ZNF536: variants seen among roughly 807,000 people sequenced by gnomAD.
ZNF536 encodes zinc finger protein 536.
A neutral mutation model predicts 84.5 loss-of-function variants in ZNF536; 13 were observed. That is an observed-to-expected ratio of 0.15 (90% CI 0.10 to 0.24). The LOEUF is 0.24. ZNF536 is among the 10% of genes least tolerant of loss of function. The probability of loss-of-function intolerance (pLI) is 1.00; values close to 1 mark genes in which losing one functional copy is unlikely to be tolerated. For missense variants in ZNF536, 1,536 were observed against 1,747.5 expected (o/e 0.88, Z 2.16); for synonymous variants, 811 against 742.5 (o/e 1.09, Z -1.50).
intron 1 of ZNF536, among the ~76,000 whole-genome samples, chr19:30,281,897 G>T (rs558768271): frequency 6.6e-6 from 1 of 152,272 alleles, no homozygotes; most frequent in South Asian, 2.1e-4. Flanking sequence ...TCAGGTTGGG[G>T]TCCCTGTGGG....
intron 1 of ZNF536, among the ~76,000 whole-genome samples, chr19:30,597,048 A>G (rs1462877085): frequency 6.6e-6 from 1 of 152,106 alleles, no homozygotes; most frequent in Non-Finnish European, 1.5e-5. Context: ...AGAGGAGGGA[A>G]CCTTTCAATT....
intron 1 of ZNF536, among the ~76,000 whole-genome samples, chr19:30,385,358 T>A (rs1350774659): frequency 6.6e-6 from 1 of 152,142 alleles, no homozygotes; most frequent in African/African-American, 2.4e-5. Context: ...GCCTGGGGCC[T>A]GGGTGCCCTG....
intron 2 of ZNF536, among the ~76,000 whole-genome samples, chr19:30,340,232 C>T (rs1174485311): frequency 6.6e-6 from 1 of 152,162 alleles, no homozygotes; most frequent in African/African-American, 2.4e-5. Context: ...GAACACCGGC[C>T]AGGTAGCCTG....
intron 1 of ZNF536, among the ~76,000 whole-genome samples, chr19:30,232,407 G>A (rs8105538): frequency 0.6 from 90,040 of 151,266 alleles, 27,101 homozygotes; most frequent in Admixed American, 0.68. Context: ...ATGGCACCCA[G>A]TAGTTTCTCA....
intron 2 of ZNF536, among the ~76,000 whole-genome samples, chr19:30,485,669 CTT>C (rs1385609435): frequency 6.7e-6 from 1 of 149,378 alleles, no homozygotes; most frequent in African/African-American, 2.5e-5. Context: ...AGGCTCTTAA[CTT>C]TTCTTGAACT....
At chr19:30,316,634 A>G (rs1194273041) in intron 2 of ZNF536, among the ~76,000 whole-genome samples, 1 of 152,192 alleles carries the variant, frequency 6.6e-6, no homozygotes, top group Non-Finnish European at 1.5e-5. Context: ...ACGAGGTACC[A>G]GGCAGTAGTC....
At chr19:30,362,975 C>T (rs549841774) in intron 3 of ZNF536, among the ~76,000 whole-genome samples, 1 of 152,124 alleles carries the variant, frequency 6.6e-6, no homozygotes. Flanking sequence ...CAGAGAATCG[C>T]TTGAACCCGG....
rs1177114605 is a variant in ZNF536 at position 30,383,767 on chromosome 19, CTTTCTT to C, written c.-3+11214_-3+11219del. Among the ~76,000 whole-genome samples, 47 of 79,264 alleles carry C rather than the reference CTTTCTT, an allele frequency of 5.9e-4. 2 individuals are homozygous for C. The highest frequency in any genetic ancestry group is 5.2e-3 in the Middle Eastern group (1 of 194). 52.0% of individuals were successfully genotyped at this position (79,264 alleles called of 152,430 possible). On this transcript the variant is annotated intron_variant, in intron 1 of 4. Transcript: ENST00000355537. Reference sequence around the variant, plus strand: ...TCTCTTTCTTTCTTTCTCTTTCTTTCTTTCTTTTCTTTCTTTCTTTCTTTTCTTTCT... The same window carrying C: ...TCTCTTTCTTTCTTTCTCTTTCTTTCTTCTTTCTTTCTTTCTTTTCTTTCT...
intron 4 of ZNF536, among the ~76,000 whole-genome samples, chr19:30,553,477 G>T (rs1429748634): frequency 2.6e-5 from 4 of 152,244 alleles, no homozygotes; most frequent in African/African-American, 9.6e-5. Context: ...AGGGTGTGGA[G>T]TTGTTGTGTG....
intron 2 of ZNF536, among the ~76,000 whole-genome samples, chr19:30,319,549 T>G (rs2046790742): frequency 6.6e-6 from 1 of 152,248 alleles, no homozygotes; most frequent in African/African-American, 2.4e-5. Flanking sequence ...AAGAATAGTC[T>G]GCACAAAATT....
intron 2 of ZNF536, among the ~76,000 whole-genome samples, chr19:30,317,682 G>A (rs1361810659): frequency 6.6e-6 from 1 of 152,226 alleles, no homozygotes; most frequent in Non-Finnish European, 1.5e-5. Flanking sequence ...GGGGAGATGA[G>A]TTTCAATGAC....
chr19:30,654,426 C>G (rs2049827903), intron 1 of ZNF536, among the ~76,000 whole-genome samples: 1 of 151,944 alleles, frequency 6.6e-6, no homozygotes, highest in East Asian at 1.9e-4. Flanking sequence ...TTATTCACCC[C>G]ATCCCCAGTC....
At chr19:30,464,921 GT>G (rs2053317665) in intron 2 of ZNF536, among the ~76,000 whole-genome samples, 1 of 151,772 alleles carries the variant, frequency 6.6e-6, no homozygotes, top group African/African-American at 2.4e-5. Flanking sequence ...TGGATGGAAA[GT>G]GGCTGGAACC....
In ZNF536 at chr19:30,279,926, G is replaced by A. The variant is rs894734083; in HGVS notation, c.-189-4146G>A. 5.3e-5 allele frequency among the ~76,000 whole-genome samples: 8 copies of A among 152,124 alleles called. No individual in the cohort carries two copies. The South Asian group carries it at 1.7e-3, about 32-fold the overall frequency. On this transcript the variant is annotated intron_variant, in intron 1 of 5. Transcript: ENST00000585628. The stretch of plus-strand genomic sequence containing the variant: ...AAAGTAGTTTCCCTGGCTCCCAATT[G>A]CCACTCACTCAGATGCCTCCGCAGA...
intron 1 of ZNF536, among the ~76,000 whole-genome samples, chr19:30,597,888 G>A (rs2032804123): frequency 6.6e-6 from 1 of 151,592 alleles, no homozygotes; most frequent in South Asian, 2.1e-4. Flanking sequence ...TTGTTGTTGT[G>A]TATACATTAT....
chr19:30,432,071 A>G (rs1325721899), intron 1 of ZNF536, among the ~76,000 whole-genome samples: 1 of 151,750 alleles, frequency 6.6e-6, no homozygotes, highest in Non-Finnish European at 1.5e-5. Context: ...AGAGAGAGAG[A>G]GTTCTTGTTG....
intron 1 of ZNF536, among the ~76,000 whole-genome samples, chr19:30,263,234 C>T (rs1430521497): frequency 6.6e-6 from 1 of 152,176 alleles, no homozygotes. Flanking sequence ...GGGACTAGAG[C>T]TTCGGTTGCT....
intron 1 of ZNF536, among the ~76,000 whole-genome samples, chr19:30,238,832 A>AT (rs59926406): frequency 0.25 from 38,192 of 151,620 alleles, 6,157 homozygotes; most frequent in East Asian, 0.51. Flanking sequence ...TTAAAAAAAA[A>AT]ATATATATAT....
Position 30,583,137 on chromosome 19 carries a change from G to A in ZNF536, c.169+33623G>A, listed in dbSNP as rs147873336. On this transcript the variant is annotated intron_variant, in intron 1 of 1. Transcript: ENST00000592773. Reference sequence around the variant, plus strand: ...CTAAGGTTCCTCATCTGTGCCATGAGGGGTAGCACTAGGTAGTCCCCATGG... The same window carrying A: ...CTAAGGTTCCTCATCTGTGCCATGAAGGGTAGCACTAGGTAGTCCCCATGG... 2.7e-3 allele frequency among the ~76,000 whole-genome samples: 408 copies of A among 152,306 alleles called. 1 individual carries two copies. The highest frequency in any genetic ancestry group is 9.2e-3 in the African/African-American group (381 of 41,550).
Sources: allele counts gnomAD v4.1 joint callset (sites outside exome capture counted in the v4.1 genomes callset), GRCh38; gene constraint gnomAD v4.1.1; transcripts MANE v1.5; gene names NCBI Gene and HGNC (gene_info 2026-07-23, HGNC 2026-07-21).